Variants in DEPDC5 observed in about 807,000 individuals in gnomAD.
DEPDC5 encodes DEP domain containing 5, GATOR1 subcomplex subunit, also known as GATOR1 complex protein DEPDC5.
A neutral mutation model predicts 217.3 loss-of-function variants in DEPDC5; 73 were observed. That is an observed-to-expected ratio of 0.34 (90% CI 0.28 to 0.41). The LOEUF (loss-of-function observed/expected upper bound fraction) is 0.41, where lower values mean the gene tolerates loss of function less well. Ranked by LOEUF, DEPDC5 falls within the 10% of genes least tolerant of loss-of-function variation. The pLI is 1.00. For synonymous variants in DEPDC5, 733 were observed against 756.7 expected (o/e 0.97, Z 0.51); for missense variants, 1,675 against 2,070.1 (o/e 0.81, Z 3.70).
chr22:31,758,706 C>A lies in DEPDC5; in HGVS notation c.146+73C>A. ...AATGATGTCCAAGGCAGATAGCTCT[C>A]TTTGCCTTTCAAAATGCTCATGCTG... On this transcript the variant is annotated intron_variant, in intron 3 of 42. Coordinates refer to ENST00000651528, the MANE Select transcript of DEPDC5 (RefSeq NM_001242896.3). The A allele has an allele frequency of 2.1e-6, 3 of 1,397,162 alleles. No individual in the cohort carries two copies. In the East Asian group the frequency reaches 6.9e-5, roughly 32 times the overall value. 86.5% of individuals were successfully genotyped at this position (1,397,162 alleles called of 1,614,324 possible). A position where few individuals can be genotyped will look rare whatever the true frequency, so the allele number is the denominator to read the frequency against.
chr22:31,897,676 G>A (rs1402560848), intron 40 of DEPDC5, 23 bp downstream of exon 40: 2 of 1,611,476 alleles, frequency 1.2e-6, no homozygotes, highest in Non-Finnish European at 1.7e-6. Context: ...CCCTTCTGGA[G>A]GTTGTCTCAA....
chr22:31,840,621 A>G (rs1259209409), intron 27 of DEPDC5, among the ~76,000 whole-genome samples: 3 of 152,158 alleles, frequency 2.0e-5, no homozygotes, highest in Non-Finnish European at 2.9e-5. Context: ...CATGAGCCTC[A>G]TGTGATGGTT....
intron 7 of DEPDC5, 198 bp downstream of exon 7, chr22:31,769,061 C>T (rs2083084575): frequency 2.0e-6 from 1 of 512,172 alleles, no homozygotes; most frequent in Non-Finnish European, 3.5e-6. Context: ...GAGATCAGGA[C>T]CATACTGGCT....
chr22:31,769,796 C>G (rs756618578), intron 7 of DEPDC5: 1 of 151,870 alleles, frequency 6.6e-6, no homozygotes, highest in Non-Finnish European at 1.5e-5. Flanking sequence ...GTGACACACG[C>G]CTGTAGTCCA....
chr22:31,885,523 A>C (rs1434811572), intron 38 of DEPDC5, among the ~76,000 whole-genome samples: 1 of 151,602 alleles, frequency 6.6e-6, no homozygotes, highest in African/African-American at 2.4e-5. Flanking sequence ...CAGGAGATTG[A>C]GGCCATCCTG....
intron 29 of DEPDC5, 102 bp from the exon 30 acceptor site, chr22:31,844,916 G>A (rs2091634536): frequency 8.5e-7 from 1 of 1,173,950 alleles, no homozygotes; most frequent in South Asian, 1.3e-5. Flanking sequence ...ATACTCATGG[G>A]GAGATGGACC....
At chr22:31,774,542 C>T (rs796444149) in intron 7 of DEPDC5, among the ~76,000 whole-genome samples, 11 of 151,400 alleles carry the variant, frequency 7.3e-5, no homozygotes, top group Admixed American at 6.6e-4. Context: ...GGGGTTCTGA[C>T]GATTATAAGC....
rs138292 is a variant in DEPDC5, at chr22:31,803,319, T to C, written c.1081+481T>C. ...TCCGCCTCCTGGGTTCACACTATTC[T>C]CCTGCCTCAGCCTCCCAAGTAGCTG... On this transcript the variant is annotated intron_variant, in intron 15 of 42. Transcript: ENST00000651528. 4.8e-3 allele frequency among the ~76,000 whole-genome samples: 733 copies of C among 152,076 alleles called. 5 individuals carry two copies. Among genetic ancestry groups the C allele is most frequent in the Non-Finnish European group, 6.8e-3 (464 of 67,988 alleles).
At chr22:31,902,992 C>T (rs2149427568) in intron 41 of DEPDC5, among the ~76,000 whole-genome samples, 1 of 152,084 alleles carries the variant, frequency 6.6e-6, no homozygotes, top group Middle Eastern at 3.4e-3. Context: ...TGATCCCCCT[C>T]AGTCCAGATC....
At chr22:31,841,702 A>G (rs1398967701) in intron 27 of DEPDC5, among the ~76,000 whole-genome samples, 3 of 152,242 alleles carry the variant, frequency 2.0e-5, no homozygotes, top group African/African-American at 7.2e-5. Context: ...GTAAAAATCA[A>G]ACCAATCAGA....
rs375702574 is a variant in DEPDC5 at position 31,870,625 on chromosome 22, C to A, written c.3366C>A (p.Asp1122Glu). The A allele has an allele frequency of 3.8e-6, 6 of 1,583,874 alleles. No homozygotes were observed. In the South Asian group the frequency reaches 7.0e-5, roughly 18 times the overall value. ...SVDQTATPML[D>E]GTSLGICTGQ... ...ACCAAACAGCCACTCCTATGTTGGA[C>A]GGCACCAGTTTGGGCATATGCACAG... Residue 1122 changes from aspartate (D) to glutamate (E), a missense_variant, in exon 34 of 43, where the codon GAC becomes GAA. By Grantham distance (45) the Asp-to-Glu change is conservative. Transcript: ENST00000651528.
chr22:31,904,547 A>G (rs934916055), intron 41 of DEPDC5, among the ~76,000 whole-genome samples: 2 of 152,194 alleles, frequency 1.3e-5, no homozygotes, highest in African/African-American at 2.4e-5. Flanking sequence ...GTTCAAGACC[A>G]GCCTGGCCAA....
chr22:31,819,534 T>C (rs2089481823), intron 22 of DEPDC5, among the ~76,000 whole-genome samples: 2 of 151,228 alleles, frequency 1.3e-5, no homozygotes, highest in Non-Finnish European at 2.9e-5. Flanking sequence ...AGTGGTGCAG[T>C]CTCAGCTCAC....
intron 6 of DEPDC5, among the ~76,000 whole-genome samples, chr22:31,767,389 T>A (rs1338747559): frequency 1.3e-5 from 2 of 151,432 alleles, no homozygotes; most frequent in Non-Finnish European, 2.9e-5. Flanking sequence ...TCGGCCTTCC[T>A]GGTTCAAGCG....
Position 31,784,798 on chromosome 22 carries a change from C to G in DEPDC5, c.563-16C>G. On this transcript the variant is annotated splice_polypyrimidine_tract_variant and intron_variant, in intron 9 of 42. Coordinates refer to ENST00000651528, the MANE Select transcript of DEPDC5 (RefSeq NM_001242896.3). ...TGTTCTCATGTTCTCATCCTTTTTT[C>G]ATTGTTTCTTTTCAGGGGATTTGTA... is the stretch of plus-strand genomic sequence containing the variant. The G allele has an allele frequency of 6.2e-7, 1 of 1,607,312 alleles. No homozygotes were observed.
chr22:31,806,167 A>C lies in DEPDC5; in HGVS notation c.1263A>C (p.Pro421=). The C allele has an allele frequency of 6.2e-7, 1 of 1,614,004 alleles. No homozygotes were observed. The highest frequency in any genetic ancestry group is 8.5e-7 in the Non-Finnish European group (1 of 1,179,970). Residue 421 remains proline (P), a synonymous_variant, in exon 18 of 43, where the codon CCA becomes CCC. Coordinates refer to ENST00000651528, the MANE Select transcript of DEPDC5 (RefSeq NM_001242896.3). Reference sequence around the variant, plus strand: ...AGCTCTTTTGTAATAGTTTCACCCCACGAATAAAACTGGCAGGAAAGAAGG... The same window carrying C: ...AGCTCTTTTGTAATAGTTTCACCCCCCGAATAAAACTGGCAGGAAAGAAGG... ...KSQLFCNSFT[P]RIKLAGKKPA... is the part of the protein sequence containing the mutation.
In DEPDC5 at chr22:31,822,682, G is replaced by A; in HGVS notation, c.2007-11G>A. ...ACATTAAGCCAGGTGGCTGGGCTCT[G>A]TTCTCTGCAGGCACAGCAATTCCCG... is the stretch of plus-strand genomic sequence containing the variant. On this transcript the variant is annotated splice_polypyrimidine_tract_variant and intron_variant, in intron 23 of 42. Transcript: ENST00000651528. The A allele has an allele frequency of 6.2e-6, 10 of 1,613,814 alleles. No individual in the cohort carries two copies. The highest frequency in any genetic ancestry group is 7.6e-6 in the Non-Finnish European group (9 of 1,179,864).
intron 7 of DEPDC5, among the ~76,000 whole-genome samples, chr22:31,775,949 G>A (rs1016017525): frequency 6.7e-6 from 1 of 149,932 alleles, no homozygotes; most frequent in Admixed American, 6.7e-5. Flanking sequence ...GCTGAGGCAG[G>A]AGAATCGCTT....
In DEPDC5 at chr22:31,778,804, C is replaced by T. The variant is rs545477102; in HGVS notation, c.483+636C>T. On this transcript the variant is annotated intron_variant, in intron 8 of 42. Coordinates refer to ENST00000651528, the MANE Select transcript of DEPDC5 (RefSeq NM_001242896.3). ...GTAAAACTGTATGTCTACCTTTTCT[C>T]GTTCCCATCTCCATGCCTTCTCTGA... is the stretch of plus-strand genomic sequence containing the variant. Among the ~76,000 whole-genome samples the T allele has an allele frequency of 3.9e-5, 6 of 152,292 alleles. No individual in the cohort carries two copies. In the East Asian group the frequency reaches 5.8e-4, roughly 15 times the overall value.
Sources: gnomAD v4.1 joint callset for allele counts (sites outside exome capture counted in the v4.1 genomes callset) on GRCh38, gnomAD v4.1.1 for gene constraint, MANE v1.5 for transcripts, NCBI Gene and HGNC (gene_info 2026-07-23, HGNC 2026-07-21) for gene names.